The following ZNF547 variants were observed in gnomAD, a reference collection of about 807,000 sequenced individuals.
The protein encoded by ZNF547 is zinc finger protein 547.
A neutral mutation model predicts 7.7 loss-of-function variants in ZNF547; 4 were observed. The observed-to-expected ratio is 0.52, with a 90% CI of 0.26 to 1.20. The LOEUF (loss-of-function observed/expected upper bound fraction) is 1.20. ZNF547 is among the 50% of genes most tolerant of loss of function. The pLI is 0.14. For missense variants in ZNF547, 449 were observed against 485.8 expected (o/e 0.92, Z 0.71); for synonymous variants, 166 against 166.2 (o/e 1.00, Z 0.01).
chr19:57,367,670 G>T (rs1341607616), intron 1 of ZNF547, among the ~76,000 whole-genome samples: 1 of 152,218 alleles, frequency 6.6e-6, no homozygotes, highest in African/African-American at 2.4e-5. Context: ...GTGGGATAAG[G>T]AATGGGCTTG....
chr19:57,368,472 G>T (rs1334804554), intron 1 of ZNF547, 72 bp from the exon 2 acceptor site: 2 of 1,450,204 alleles, frequency 1.4e-6, no homozygotes, highest in African/African-American at 2.8e-5. Flanking sequence ...AGGAAGAAGA[G>T]ATGGTGGTCC....
At chr19:57,375,751 G>A (rs1431101117) in intron 3 of ZNF547, among the ~76,000 whole-genome samples, 3 of 151,518 alleles carry the variant, frequency 2.0e-5, no homozygotes, top group Non-Finnish European at 4.4e-5. Flanking sequence ...GTTCCGCATG[G>A]TTGGGAGGTC....
At chr19:57,368,175 TAC>T (rs1226211000) in intron 1 of ZNF547, 1 of 176,556 alleles carries the variant, frequency 5.7e-6, no homozygotes, top group African/African-American at 2.4e-5. Flanking sequence ...GCTAAAAATA[TAC>T]ACCTCAGTTT....
chr19:57,364,470 T>C (rs7253883), intron 1 of ZNF547: 8,407 of 318,102 alleles, frequency 0.026, 633 homozygotes, highest in African/African-American at 0.17. Flanking sequence ...TGGCCGGGCG[T>C]GGTGGCTCAC....
At chr19:57,368,061 A>G (rs1163296427) in intron 1 of ZNF547, 1 of 154,688 alleles carries the variant, frequency 6.5e-6, no homozygotes, top group African/African-American at 2.4e-5. Flanking sequence ...GAAGCTATTC[A>G]TTGAGTTAAA....
Position 57,373,442 on chromosome 19 carries a change from C to G in ZNF547, c.151+1534C>G, listed in dbSNP as rs147351321. ...CATATTATTCCACCCCGGCCCCCCC[C>G]ACCCAATTTTATGTCCCTTCCACAT... On this transcript the variant is annotated intron_variant, in intron 3 of 3. Transcript: ENST00000282282. 4.6e-3 allele frequency among the ~76,000 whole-genome samples: 696 copies of G among 151,616 alleles called. 11 individuals are homozygous for G. Among genetic ancestry groups the G allele is most frequent in the East Asian group, 0.043 (219 of 5,084 alleles).
rs910426826 is a variant in ZNF547 at position 57,378,309 on chromosome 19, G to A, written c.*124G>A. 1.2e-5 allele frequency: 10 copies of A among 856,714 alleles called. No individual in the cohort carries two copies. The highest frequency in any genetic ancestry group is 1.9e-5 in the Non-Finnish European group (10 of 536,658). 53.1% of individuals were successfully genotyped at this position (856,714 alleles called of 1,614,324 possible). A position where few individuals can be genotyped will look rare whatever the true frequency, so the allele number is the denominator to read the frequency against. On this transcript the variant is annotated 3_prime_UTR_variant, in exon 4 of 4. Coordinates refer to ENST00000282282, the MANE Select transcript of ZNF547 (RefSeq NM_173631.4). ...GAACGTGGGTAATTATGTAGGTACAGCTCTCCAGTCGCTATGTATCAGAGA... is the reference window on the plus strand; with the variant it reads ...GAACGTGGGTAATTATGTAGGTACAACTCTCCAGTCGCTATGTATCAGAGA...
chr19:57,377,112 AT>A lies in ZNF547; in HGVS notation c.152-11del. ...CACAGTCAACATGCACCTCACCAGC[AT>A]TTTTATTCTTACAGGTTGTTGCCAT... On this transcript the variant is annotated splice_polypyrimidine_tract_variant and intron_variant, in intron 3 of 3. Transcript: ENST00000282282. 6.2e-7 allele frequency: 1 copy of A among 1,603,550 alleles called. No homozygotes were observed. Among genetic ancestry groups the A allele is most frequent in the Non-Finnish European group, 8.5e-7 (1 of 1,172,714 alleles).
intron 3 of ZNF547, among the ~76,000 whole-genome samples, chr19:57,372,521 TC>T (rs2088512844): frequency 6.6e-6 from 1 of 152,178 alleles, no homozygotes; most frequent in Non-Finnish European, 1.5e-5. Flanking sequence ...CTGTAGAGAC[TC>T]AGAGGGACAT....
At position 57,379,280 on chromosome 19, in the gene ZNF547, A is replaced by T. The variant is rs1331231869; in HGVS notation, c.*1095A>T. 6.6e-6 allele frequency: 1 copy of T among 152,290 alleles called. No homozygotes were observed. The highest frequency in any genetic ancestry group is 1.5e-5 in the Non-Finnish European group (1 of 68,076). 9.4% of individuals were successfully genotyped at this position (152,290 alleles called of 1,614,324 possible). A position where few individuals can be genotyped will look rare whatever the true frequency, so the allele number is the denominator to read the frequency against. On this transcript the variant is annotated 3_prime_UTR_variant, in exon 4 of 4. Transcript: ENST00000282282. ...TTTTCCATAAAACTTGCACCGTTTT[A>T]CATTCCTAACATTCCACAAAAGTTG...
chr19:57,378,428 A>G lies in ZNF547; in HGVS notation c.*243A>G, dbSNP rs893350791. 7.3e-6 allele frequency: 5 copies of G among 683,474 alleles called. No homozygotes were observed. The highest frequency in any genetic ancestry group is 6.9e-5 in the African/African-American group (4 of 57,608). 42.3% of individuals were successfully genotyped at this position (683,474 alleles called of 1,614,324 possible). ...GACATTGGAGAGTTTACACTGAAGA[A>G]GAGTCTTTTCAATAAAGTAGAAAGT... On this transcript the variant is annotated 3_prime_UTR_variant, in exon 4 of 4. Transcript: ENST00000282282.
chr19:57,364,567 C>T (rs996011080), intron 1 of ZNF547: 3 of 512,622 alleles, frequency 5.9e-6, no homozygotes, highest in Non-Finnish European at 1.1e-5. Context: ...ATGGTGAAAC[C>T]CCGTCTTTAG....
At chr19:57,364,766 C>G (rs1357455282) in intron 1 of ZNF547, 15 of 1,364,494 alleles carry the variant, frequency 1.1e-5, no homozygotes, top group Admixed American at 5.9e-5. Flanking sequence ...GCGCGGGTCT[C>G]TTCCGCGGAA....
rs184372842 is a variant in ZNF547, at chr19:57,365,022, T to C, written c.-13+1319T>C. On this transcript the variant is annotated intron_variant, in intron 1 of 3. Coordinates refer to ENST00000282282, the MANE Select transcript of ZNF547 (RefSeq NM_173631.4). ...TGTCGAACAACATGTACTTGAAAACTGTGGACAAGTTCAACGAGTGGTTTG... is the reference window on the plus strand; with the variant it reads ...TGTCGAACAACATGTACTTGAAAACCGTGGACAAGTTCAACGAGTGGTTTG... 7.0e-3 allele frequency: 11,309 copies of C among 1,612,350 alleles called. 53 individuals are homozygous for C. The highest frequency in any genetic ancestry group is 7.9e-3 in the Middle Eastern group (48 of 6,060).
intron 1 of ZNF547, among the ~76,000 whole-genome samples, chr19:57,365,957 C>T (rs1274459703): frequency 1.3e-5 from 2 of 151,020 alleles, no homozygotes; most frequent in Non-Finnish European, 2.9e-5. Context: ...CTCCACCTCC[C>T]GGGTTCAAGC....
At position 57,377,636 on chromosome 19, in the gene ZNF547, CT is replaced by C; in HGVS notation, c.663del (p.Leu222PhefsTer114). ...PYECNECGKA[F>X]LCKSHLVRHQ... Reference sequence around the variant, plus strand: ...ATGAGTGCAATGAATGTGGGAAAGCCTTTCTTTGTAAGTCTCACCTTGTTCG... The same window carrying C: ...ATGAGTGCAATGAATGTGGGAAAGCCTTCTTTGTAAGTCTCACCTTGTTCG... On this transcript the variant is annotated frameshift_variant, in exon 4 of 4. Transcript: ENST00000282282. LOFTEE classifies it low-confidence loss of function (END_TRUNC). 1 of 1,613,792 alleles carries C rather than the reference CT, an allele frequency of 6.2e-7. No individual in the cohort carries two copies.
intron 1 of ZNF547, among the ~76,000 whole-genome samples, chr19:57,367,059 T>C (rs2088475380): frequency 2.0e-5 from 3 of 152,218 alleles, no homozygotes; most frequent in African/African-American, 7.2e-5. Flanking sequence ...TATATTCTTA[T>C]ATTTCCTTTC....
chr19:57,373,418 ATAT>A (rs1323015943), intron 3 of ZNF547, among the ~76,000 whole-genome samples: 20 of 151,862 alleles, frequency 1.3e-4, no homozygotes, highest in Admixed American at 6.6e-5. Flanking sequence ...GAGCCTAACC[ATAT>A]TATTCCACCC....
intron 3 of ZNF547, among the ~76,000 whole-genome samples, chr19:57,373,960 G>A (rs565643425): frequency 1.1e-4 from 16 of 152,208 alleles, no homozygotes; most frequent in Admixed American, 3.9e-4. Flanking sequence ...ACTGGAGGAC[G>A]TGGCCTTCTT....
Sources: allele counts gnomAD v4.1 joint callset (sites outside exome capture counted in the v4.1 genomes callset), GRCh38; gene constraint gnomAD v4.1.1; transcripts MANE v1.5; gene names NCBI Gene and HGNC (gene_info 2026-07-23, HGNC 2026-07-21).